Variants in CCND2 observed in about 807,000 individuals in gnomAD.
CCND2 encodes cyclin D2, also known as G1/S-specific cyclin-D2.
In CCND2, 6 loss-of-function variants were observed where a neutral mutation model predicts 30.2. The ratio of observed to expected loss-of-function variants is 0.20; its 90% CI spans 0.11 to 0.39. The LOEUF (loss-of-function observed/expected upper bound fraction) is 0.39, where lower values mean the gene tolerates loss of function less well. Ranked by LOEUF, CCND2 falls within the 10% of genes least tolerant of loss-of-function variation. CCND2 has a pLI of 1.00. For synonymous variants in CCND2, 150 were observed against 153.1 expected (o/e 0.98, Z 0.15); for missense variants, 235 against 373.4 (o/e 0.63, Z 3.06).
At position 4,287,446 on chromosome 12, in the gene CCND2, G is replaced by A. The variant is rs1446380186; in HGVS notation, c.572-1396G>A. 4.6e-5 allele frequency among the ~76,000 whole-genome samples: 7 copies of A among 152,126 alleles called. No individual in the cohort carries two copies. The highest frequency in any genetic ancestry group is 5.9e-5 in the Non-Finnish European group (4 of 68,018). On this transcript the variant is annotated intron_variant, in intron 3 of 4. Coordinates refer to ENST00000261254, the MANE Select transcript of CCND2 (RefSeq NM_001759.4). The surrounding 1 kb of genome is among the most constrained non-coding windows in gnomAD (Gnocchi z 4.0). ...TGCTGTAAGTTGAAGGGTGACCCACGGTTCCCTGTATGCTGTGTCTCCTGC... is the reference window on the plus strand; with the variant it reads ...TGCTGTAAGTTGAAGGGTGACCCACAGTTCCCTGTATGCTGTGTCTCCTGC...
chr12:4,292,557 G>A (rs910005051), intron 4 of CCND2, among the ~76,000 whole-genome samples: 3 of 152,038 alleles, frequency 2.0e-5, no homozygotes, highest in Non-Finnish European at 4.4e-5. Flanking sequence ...TATGAGGGAC[G>A]CATGCGGCTC....
intron 4 of CCND2, among the ~76,000 whole-genome samples, chr12:4,290,632 A>G (rs572908477): frequency 7.1e-6 from 1 of 141,794 alleles, no homozygotes; most frequent in Non-Finnish European, 1.5e-5. Flanking sequence ...CGATGTTGAT[A>G]GACCTGCTCT....
chr12:4,292,149 AT>A (rs1864109532), intron 4 of CCND2, among the ~76,000 whole-genome samples: 1 of 152,080 alleles, frequency 6.6e-6, no homozygotes, highest in African/African-American at 2.4e-5. Context: ...GTGTGTATAT[AT>A]GTATATACAC....
In CCND2 at chr12:4,293,903, C is replaced by CG. The variant is rs1565436907; in HGVS notation, c.720+4918dup. Among the ~76,000 whole-genome samples, 3 of 152,090 alleles carry CG rather than the reference C, an allele frequency of 2.0e-5. No individual in the cohort carries two copies. ...TGGGGGTGGGGAGGTGGAATAGAAT[C>CG]GGGGGCTGATGCCTCCCTCTCCTGC... On this transcript the variant is annotated intron_variant, in intron 4 of 4. Coordinates refer to ENST00000261254, the MANE Select transcript of CCND2 (RefSeq NM_001759.4). The surrounding 1 kb of genome is among the most constrained non-coding windows in gnomAD (Gnocchi z 4.9).
In CCND2 at chr12:4,274,062, G is replaced by A. The variant is rs370617608; in HGVS notation, c.22G>A (p.Val8Met). The change falls in exon 1 of 5, where the codon GTG (valine) becomes ATG (methionine). Residue 8 changes from valine (V) to methionine (M), a missense_variant. Physicochemically the swap from Val to Met is conservative, Grantham distance 21. Transcript: ENST00000261254. The surrounding 1 kb of genome is among the most constrained non-coding windows in gnomAD (Gnocchi z 7.7). ...GGCCATGGAGCTGCTGTGCCACGAG[G>A]TGGACCCGGTCCGCAGGGCCGTGCG... The part of the protein sequence containing the change: MELLCHE[V>M]DPVRRAVRDR... 6.2e-7 allele frequency: 1 copy of A among 1,612,420 alleles called. No individual in the cohort carries two copies. The highest frequency in any genetic ancestry group is 8.5e-7 in the Non-Finnish European group (1 of 1,179,458).
In CCND2 at chr12:4,304,142, G is replaced by A. The variant is rs1401974097; in HGVS notation, c.*4133G>A. On this transcript the variant is annotated 3_prime_UTR_variant, in exon 5 of 5. Transcript: ENST00000261254. The surrounding 1 kb of genome is among the most constrained non-coding windows in gnomAD (Gnocchi z 6.2). ...AATTTTCTCTCCATGGGCCACAGGG[G>A]ACAGGGCTGGGAGAAGAAATAGACT... 2 of 233,278 alleles carry A rather than the reference G, an allele frequency of 8.6e-6. No individual in the cohort carries two copies. Among genetic ancestry groups the A allele is most frequent in the African/African-American group, 4.4e-5 (2 of 45,342 alleles). 14.5% of individuals were successfully genotyped at this position (233,278 alleles called of 1,614,324 possible).
At chr12:4,296,729 A>T (rs910675204) in intron 4 of CCND2, among the ~76,000 whole-genome samples, 2 of 151,918 alleles carry the variant, frequency 1.3e-5, no homozygotes, top group Non-Finnish European at 2.9e-5. Flanking sequence ...AATTGTAAAC[A>T]TCCCCTTCAG....
rs565360448 is a variant in CCND2, at chr12:4,303,545, C to T, written c.*3536C>T. 1 of 233,590 alleles carries T rather than the reference C, an allele frequency of 4.3e-6. No homozygotes were observed. Among genetic ancestry groups the T allele is most frequent in the South Asian group, 1.8e-4 (1 of 5,524 alleles). The allele number at this position is 233,590 out of a possible 1,614,324, so 14.5% of individuals were successfully genotyped here. On this transcript the variant is annotated 3_prime_UTR_variant, in exon 5 of 5. Coordinates refer to ENST00000261254, the MANE Select transcript of CCND2 (RefSeq NM_001759.4). This position sits in a 1 kb window ranked among gnomAD's most constrained non-coding sequence, Gnocchi z 4.6. ...TGTTTTTTTCTCCATCAGTGGGGGC[C>T]GAGTTGTTCCCCCAGCCTGCCAAAT... is the stretch of plus-strand genomic sequence containing the variant.
At position 4,288,912 on chromosome 12, in the gene CCND2, C is replaced by T; in HGVS notation, c.642C>T (p.Leu214=). Residue 214 remains leucine, a synonymous_variant, in exon 4 of 5, where the codon CTC becomes CTT. Transcript: ENST00000261254. The part of the protein sequence containing the change: ...TGSVGAAICG[L]QQDEEVSSLT... The stretch of plus-strand genomic sequence containing the variant: ...GTGTGGGAGCAGCCATCTGTGGGCT[C>T]CAGCAGGATGAGGAAGTGAGCTCGC... 1.9e-6 allele frequency: 3 copies of T among 1,613,858 alleles called. No individual in the cohort carries two copies. The highest frequency in any genetic ancestry group is 2.5e-6 in the Non-Finnish European group (3 of 1,179,942).
chr12:4,274,054 G>T lies in CCND2; in HGVS notation c.14G>T (p.Cys5Phe), dbSNP rs745641213. 9.3e-6 allele frequency: 15 copies of T among 1,611,966 alleles called. 1 individual carries two copies. Among genetic ancestry groups the T allele is most frequent in the Non-Finnish European group, 1.3e-5 (15 of 1,179,182 alleles). Reference protein sequence around the residue: MELLCHEVDPVRRAV... With the variant: MELLFHEVDPVRRAV... ...GCCGGGCTGGCCATGGAGCTGCTGT[G>T]CCACGAGGTGGACCCGGTCCGCAGG... Residue 5 changes from cysteine to phenylalanine, a missense_variant, in exon 1 of 5, where the codon TGC (cysteine) becomes TTC (phenylalanine). Coordinates refer to ENST00000261254, the MANE Select transcript of CCND2 (RefSeq NM_001759.4). This position sits in a 1 kb window ranked among gnomAD's most constrained non-coding sequence, Gnocchi z 7.7.
In CCND2 at chr12:4,301,108, T is replaced by A; in HGVS notation, c.*1099T>A. On this transcript the variant is annotated 3_prime_UTR_variant, in exon 5 of 5. Transcript: ENST00000261254. Reference sequence around the variant, plus strand: ...TGGGTTACTCTTCGCTTCTGGTATCTGGCGTTCTTTGGTACACAGTTCTGG... The same window carrying A: ...TGGGTTACTCTTCGCTTCTGGTATCAGGCGTTCTTTGGTACACAGTTCTGG... 4.3e-6 allele frequency: 1 copy of A among 233,684 alleles called. No homozygotes were observed. Among genetic ancestry groups the A allele is most frequent in the Non-Finnish European group, 8.5e-6 (1 of 118,056 alleles). 14.5% of individuals were successfully genotyped at this position (233,684 alleles called of 1,614,324 possible).
intron 4 of CCND2, among the ~76,000 whole-genome samples, chr12:4,298,542 C>T (rs1864205521): frequency 6.6e-6 from 1 of 152,180 alleles, no homozygotes; most frequent in South Asian, 2.1e-4. Flanking sequence ...TATGCCTGGC[C>T]AGCTGTGTTT....
At chr12:4,277,751 A>G (rs190503446) in intron 2 of CCND2, among the ~76,000 whole-genome samples, 2 of 152,330 alleles carry the variant, frequency 1.3e-5, no homozygotes, top group East Asian at 1.9e-4. Flanking sequence ...GGTTTAGCAA[A>G]TGAAAGAGAT....
intron 3 of CCND2, among the ~76,000 whole-genome samples, chr12:4,281,476 A>G (rs1442163752): frequency 6.6e-6 from 1 of 152,190 alleles, no homozygotes; most frequent in African/African-American, 2.4e-5. Context: ...AGGCAGAGGT[A>G]GGAGATGCAG....
Position 4,301,441 on chromosome 12 carries a change from C to T in CCND2, c.*1432C>T, listed in dbSNP as rs1864248129. ...TTTCTTCCTCTCCACTTCTTAGAGGCATTCAGTTAGCAAAGAGGTTGGAGC... is the reference window on the plus strand; with the variant it reads ...TTTCTTCCTCTCCACTTCTTAGAGGTATTCAGTTAGCAAAGAGGTTGGAGC... On this transcript the variant is annotated 3_prime_UTR_variant, in exon 5 of 5. Transcript: ENST00000261254. The T allele has an allele frequency of 1.7e-5, 4 of 230,736 alleles. No individual in the cohort carries two copies. In the South Asian group the frequency reaches 7.3e-4, roughly 42 times the overall value. The allele number at this position is 230,736 out of a possible 1,614,324, so 14.3% of individuals were successfully genotyped here.
At position 4,276,241 on chromosome 12, in the gene CCND2, CCCTT is replaced by C; in HGVS notation, c.411+26_411+29del. On this transcript the variant is annotated intron_variant, in intron 2 of 4. Coordinates refer to ENST00000261254, the MANE Select transcript of CCND2 (RefSeq NM_001759.4). The surrounding 1 kb of genome is among the most constrained non-coding windows in gnomAD (Gnocchi z 4.8). ...TGCTGGTAATGACCGGCCCCTTCCTCCCTTCCTTTCTGCGATTCCCGCTTTCCCC... is the reference window on the plus strand; with the variant it reads ...TGCTGGTAATGACCGGCCCCTTCCTCCCTTTCTGCGATTCCCGCTTTCCCC... The C allele has an allele frequency of 1.3e-6, 2 of 1,599,934 alleles. No individual in the cohort carries two copies. Among genetic ancestry groups the C allele is most frequent in the Non-Finnish European group, 1.7e-6 (2 of 1,168,568 alleles).
At position 4,299,818 on chromosome 12, in the gene CCND2, T is replaced by C. The variant is rs1864223007; in HGVS notation, c.721-42T>C. The stretch of plus-strand genomic sequence containing the variant: ...TTTCTCCGTAGGATGCTCTATGTCC[T>C]GTTCCTCTTACTAACAACTCTGGTC... On this transcript the variant is annotated intron_variant, in intron 4 of 4. Transcript: ENST00000261254. This position sits in a 1 kb window ranked among gnomAD's most constrained non-coding sequence, Gnocchi z 5.2. 3.8e-6 allele frequency: 6 copies of C among 1,595,272 alleles called. No individual in the cohort carries two copies. Among genetic ancestry groups the C allele is most frequent in the African/African-American group, 2.7e-5 (2 of 74,716 alleles).
intron 1 of CCND2, 88 bp from the exon 2 acceptor site, chr12:4,275,917 A>T: frequency 5.0e-6 from 4 of 805,046 alleles, no homozygotes; most frequent in Admixed American, 2.6e-5. Context: ...TTTTGTTTCG[A>T]TAGATTACGC....
Position 4,300,749 on chromosome 12 carries a change from A to C in CCND2, c.*740A>C, listed in dbSNP as rs1864237196. ...AATGCAGTTCATTGCAGACACCACC[A>C]TATTGCTATCTAATGGGGAAATGTA... On this transcript the variant is annotated 3_prime_UTR_variant, in exon 5 of 5. Transcript: ENST00000261254. 4.3e-6 allele frequency: 1 copy of C among 233,626 alleles called. No homozygotes were observed. Among genetic ancestry groups the C allele is most frequent in the Admixed American group, 5.6e-5 (1 of 17,776 alleles). The allele number at this position is 233,626 out of a possible 1,614,324, so 14.5% of individuals were successfully genotyped here.
Sources: allele counts gnomAD v4.1 joint callset (sites outside exome capture counted in the v4.1 genomes callset), GRCh38; gene constraint gnomAD v4.1.1; non-coding constraint Gnocchi (gnomAD v3.1); transcripts MANE v1.5; gene names NCBI Gene and HGNC (gene_info 2026-07-23, HGNC 2026-07-21).